The following LRBA variants were observed in gnomAD, a reference collection of about 807,000 sequenced individuals.
LRBA encodes the protein lipopolysaccharide-responsive and beige-like anchor protein.
Under a neutral mutation model 330.0 loss-of-function variants are expected in LRBA, and 176 were observed. The ratio of observed to expected loss-of-function variants is 0.53; its 90% CI spans 0.47 to 0.60. The LOEUF (loss-of-function observed/expected upper bound fraction) is 0.60. LRBA is among the 20% of genes least tolerant of loss of function. The pLI is 0.00. For missense variants in LRBA, 3,259 were observed against 3,444.8 expected (o/e 0.95, Z 1.35); for synonymous variants, 1,230 against 1,193.0 (o/e 1.03, Z -0.64).
intron 2 of LRBA, among the ~76,000 whole-genome samples, chr4:150,935,640 A>G (rs1263104900): frequency 6.6e-6 from 1 of 152,054 alleles, no homozygotes; most frequent in Non-Finnish European, 1.5e-5. Context: ...GGAATTAAAT[A>G]TATGAAAAAA....
rs775293312 is a variant in LRBA, at chr4:150,610,278, C to A, written c.5922-11147G>T. Among the ~76,000 whole-genome samples, 7 of 152,138 alleles carry A rather than the reference C, an allele frequency of 4.6e-5. No individual in the cohort carries two copies. In the Middle Eastern group the frequency reaches 0.014, roughly 296 times the overall value. On this transcript the variant is annotated intron_variant, in intron 37 of 56. Transcript: ENST00000651943. ...CCCTGACCCTGACCATACATAGTAA[C>A]CTGGGAGAAAGAGTAAAAAGAGCAG... is the stretch of plus-strand genomic sequence containing the variant.
chr4:150,698,409 A>G (rs2126985000), intron 36 of LRBA, among the ~76,000 whole-genome samples: 1 of 152,312 alleles, frequency 6.6e-6, no homozygotes, highest in Admixed American at 6.5e-5. Context: ...GAGATTTTCA[A>G]TGCATTAAAA....
chr4:150,844,810 A>C (rs1273959063), intron 26 of LRBA, 31 bp from the exon 27 acceptor site: 2 of 1,577,490 alleles, frequency 1.3e-6, no homozygotes, highest in Non-Finnish European at 1.7e-6. Flanking sequence ...AAGATAGGGA[A>C]AGAAAAGTTA....
At chr4:150,490,103 G>C (rs887308012) in intron 41 of LRBA, among the ~76,000 whole-genome samples, 12 of 151,550 alleles carry the variant, frequency 7.9e-5, no homozygotes, top group Non-Finnish European at 1.5e-4. Context: ...AGAAGAAGAG[G>C]TATGTGCCAG....
rs918750356 is a variant in LRBA, at chr4:150,341,609, T to A, written c.7362+8383A>T. ...TTTGCTTCACTGACTTAACTCAAAT[T>A]TCTTAAGGATTATGTTCAGACAGTT... On this transcript the variant is annotated intron_variant, in intron 48 of 56. Transcript: ENST00000651943. 3.3e-5 allele frequency among the ~76,000 whole-genome samples: 5 copies of A among 152,118 alleles called. No homozygotes were observed. In the East Asian group the frequency reaches 5.8e-4, roughly 18 times the overall value.
At chr4:150,782,829 G>A (rs1346754782) in intron 34 of LRBA, among the ~76,000 whole-genome samples, 2 of 151,912 alleles carry the variant, frequency 1.3e-5, no homozygotes, top group Non-Finnish European at 2.9e-5. Context: ...GCAAGCAGAC[G>A]AAAAGTGAAC....
At chr4:150,613,690 C>T (rs1304385624) in intron 37 of LRBA, among the ~76,000 whole-genome samples, 1 of 152,220 alleles carries the variant, frequency 6.6e-6, no homozygotes, top group African/African-American at 2.4e-5. Flanking sequence ...AAGCTGTACT[C>T]CCCACATCAG....
rs149937860 is a variant in LRBA at position 150,552,340 on chromosome 4, A to G, written c.6330+35708T>C. On this transcript the variant is annotated intron_variant, in intron 40 of 56. Transcript: ENST00000651943. ...GTACAATTCTCCTGTACAGGAGTGT[A>G]TCTTGTACAATTTCTCAAAAGAAGA... Among the ~76,000 whole-genome samples the G allele has an allele frequency of 2.7e-3, 410 of 152,236 alleles. 4 individuals are homozygous for G. The highest frequency in any genetic ancestry group is 9.6e-3 in the African/African-American group (400 of 41,490).
At chr4:150,532,138 A>G (rs1007112215) in intron 40 of LRBA, among the ~76,000 whole-genome samples, 1 of 152,120 alleles carries the variant, frequency 6.6e-6, no homozygotes, top group African/African-American at 2.4e-5. Flanking sequence ...CCTTTTCCTT[A>G]TGTTCATTAA....
At chr4:150,764,547 A>T (rs772072450) in intron 34 of LRBA, among the ~76,000 whole-genome samples, 20 of 152,062 alleles carry the variant, frequency 1.3e-4, no homozygotes, top group Non-Finnish European at 2.8e-4. Context: ...GACATCTGAT[A>T]AAGAATTGTG....
At chr4:150,439,172 T>C (rs1488464098) in intron 44 of LRBA, among the ~76,000 whole-genome samples, 1 of 152,184 alleles carries the variant, frequency 6.6e-6, no homozygotes, top group African/African-American at 2.4e-5. Context: ...GAATTAAAAA[T>C]AGAATCAATG....
intron 33 of LRBA, 84 bp from the exon 34 acceptor site, chr4:150,798,226 A>C: frequency 1.1e-6 from 1 of 903,386 alleles, no homozygotes; most frequent in Non-Finnish European, 1.8e-6. Context: ...TGTTTCTTCA[A>C]ATTATTTTTT....
At chr4:150,551,300 A>T (rs1281723697) in intron 40 of LRBA, among the ~76,000 whole-genome samples, 2 of 152,254 alleles carry the variant, frequency 1.3e-5, no homozygotes, top group Admixed American at 6.5e-5. Context: ...AGAATGGATT[A>T]AAAAACTAAT....
chr4:150,896,051 T>A (rs936498006), intron 16 of LRBA, among the ~76,000 whole-genome samples: 1 of 152,218 alleles, frequency 6.6e-6, no homozygotes, highest in African/African-American at 2.4e-5. Context: ...TGTTATGAAT[T>A]TTTAAAACCT....
At chr4:150,447,222 T>C (rs1030596646) in intron 44 of LRBA, among the ~76,000 whole-genome samples, 3 of 152,238 alleles carry the variant, frequency 2.0e-5, no homozygotes, top group Non-Finnish European at 2.9e-5. Flanking sequence ...TAATTTTATG[T>C]GTCAACTTGA....
At chr4:150,815,663 T>C (rs1385876137) in intron 31 of LRBA, among the ~76,000 whole-genome samples, 1 of 151,950 alleles carries the variant, frequency 6.6e-6, no homozygotes, top group Non-Finnish European at 1.5e-5. Context: ...CTATTTTTCC[T>C]AAGAATAAAA....
At chr4:150,645,861 T>C (rs4328896) in intron 37 of LRBA, among the ~76,000 whole-genome samples, 120,207 of 151,374 alleles carry the variant, frequency 0.79, 51,696 homozygotes, top group Non-Finnish European at 0.95. Flanking sequence ...ACAGTAACTA[T>C]GAACCCCAAT....
At chr4:150,309,282 G>C (rs1269525718) in intron 52 of LRBA, among the ~76,000 whole-genome samples, 1 of 151,960 alleles carries the variant, frequency 6.6e-6, no homozygotes, top group Non-Finnish European at 1.5e-5. Flanking sequence ...TGTAGCCTAG[G>C]AGCAATAGGT....
chr4:150,661,827 T>G (rs1400069720), intron 37 of LRBA, among the ~76,000 whole-genome samples: 1 of 152,046 alleles, frequency 6.6e-6, no homozygotes, highest in Non-Finnish European at 1.5e-5. Context: ...TTCACCACGT[T>G]GGCCAGGCTG....
Sources: gnomAD v4.1 joint callset for allele counts (sites outside exome capture counted in the v4.1 genomes callset) on GRCh38, gnomAD v4.1.1 for gene constraint, MANE v1.5 for transcripts, NCBI Gene and HGNC (gene_info 2026-07-23, HGNC 2026-07-21) for gene names.